ITGA9: variants seen among roughly 807,000 people sequenced by gnomAD.
ITGA9 encodes the protein integrin subunit alpha 9, also known as integrin alpha-9.
Under a neutral mutation model 127.8 loss-of-function variants are expected in ITGA9, and 56 were observed. The ratio of observed to expected loss-of-function variants is 0.44; its 90% CI spans 0.35 to 0.55. ITGA9 has a LOEUF of 0.55. Ranked by LOEUF, ITGA9 falls within the 20% of genes least tolerant of loss-of-function variation. ITGA9 has a pLI of 0.00. For missense variants in ITGA9, 1,196 were observed against 1,347.1 expected (o/e 0.89, Z 1.76); for synonymous variants, 508 against 514.5 (o/e 0.99, Z 0.17).
At chr3:37,518,479 G>C (rs991131879) in intron 10 of ITGA9, among the ~76,000 whole-genome samples, 3 of 152,190 alleles carry the variant, frequency 2.0e-5, no homozygotes, top group Non-Finnish European at 4.4e-5. Context: ...CAGTTTGTGA[G>C]AGTAATGTTA....
At chr3:37,517,700 C>G in intron 10 of ITGA9, 91 bp downstream of exon 10, 1 of 913,748 alleles carries the variant, frequency 1.1e-6, no homozygotes, top group South Asian at 1.4e-5. Flanking sequence ...CTGTCCATCT[C>G]TAGTGGCATG....
In ITGA9 at chr3:37,543,578, A is replaced by G. The variant is rs577962507; in HGVS notation, c.1689+993A>G. ...TTGGTTGGGCTGTATATAATTGCCA[A>G]TATTCTTTTTGACTTACAAAAATGG... On this transcript the variant is annotated intron_variant, in intron 15 of 27. Transcript: ENST00000264741. Among the ~76,000 whole-genome samples the G allele has an allele frequency of 5.2e-4, 79 of 152,346 alleles. 1 individual carries two copies. The highest frequency in any genetic ancestry group is 9.3e-4 in the Non-Finnish European group (63 of 68,028).
intron 15 of ITGA9, among the ~76,000 whole-genome samples, chr3:37,602,376 T>A (rs556362310): frequency 1.3e-5 from 2 of 152,124 alleles, no homozygotes; most frequent in Non-Finnish European, 2.9e-5. Flanking sequence ...ATAGGAGATA[T>A]AAAACTGGGT....
At chr3:37,808,380 C>T (rs75872805) in intron 27 of ITGA9, 5,985 of 152,184 alleles carry the variant, frequency 0.039, 154 homozygotes, top group Middle Eastern at 0.079. Context: ...ATGTCTCCCA[C>T]GGAGGCTAGT....
chr3:37,503,281 T>A lies in ITGA9; in HGVS notation c.716T>A (p.Ile239Asn), dbSNP rs1211887934. The A allele has an allele frequency of 6.2e-7, 1 of 1,614,120 alleles. No individual in the cohort carries two copies. Among genetic ancestry groups the A allele is most frequent in the South Asian group, 1.1e-5 (1 of 91,086 alleles). ...NTYLKLNDEV[I>N]MNRRYTYLGY... ...TATTTAAAACTGAACGACGAAGTGATCATGAACAGGCGGTACACCTACCTG... is the reference window on the plus strand; with the variant it reads ...TATTTAAAACTGAACGACGAAGTGAACATGAACAGGCGGTACACCTACCTG... The change falls in exon 6 of 28, where the codon ATC becomes AAC. Residue 239 changes from isoleucine (I) to asparagine (N), a missense_variant. Coordinates refer to ENST00000264741, the MANE Select transcript of ITGA9 (RefSeq NM_002207.3).
chr3:37,695,284 G>A (rs1174343282), intron 18 of ITGA9, among the ~76,000 whole-genome samples: 2 of 152,198 alleles, frequency 1.3e-5, no homozygotes, highest in African/African-American at 4.8e-5. Flanking sequence ...GGAGCCAAAC[G>A]AAGACTGAAG....
At chr3:37,796,970 T>G (rs942662040) in intron 26 of ITGA9, among the ~76,000 whole-genome samples, 1 of 152,032 alleles carries the variant, frequency 6.6e-6, no homozygotes, top group Non-Finnish European at 1.5e-5. Context: ...AAACTCTGTT[T>G]TGTTGGAGCC....
At chr3:37,694,116 G>A (rs984616341) in intron 18 of ITGA9, among the ~76,000 whole-genome samples, 1 of 152,180 alleles carries the variant, frequency 6.6e-6, no homozygotes, top group East Asian at 1.9e-4. Flanking sequence ...ATAACGCCAG[G>A]TAGAAAAGCC....
chr3:37,589,265 C>A (rs1390608159), intron 15 of ITGA9, among the ~76,000 whole-genome samples: 2 of 152,214 alleles, frequency 1.3e-5, no homozygotes, highest in Non-Finnish European at 2.9e-5. Flanking sequence ...CTGGACCCCA[C>A]TGAGAAGACG....
intron 13 of ITGA9, among the ~76,000 whole-genome samples, chr3:37,531,436 C>G (rs1165079900): frequency 6.6e-6 from 1 of 152,180 alleles, no homozygotes; most frequent in Non-Finnish European, 1.5e-5. Context: ...TCCCTGTGGT[C>G]CATTTCAAAG....
chr3:37,567,782 C>T (rs1466306941), intron 15 of ITGA9, among the ~76,000 whole-genome samples: 2 of 152,174 alleles, frequency 1.3e-5, no homozygotes, highest in Non-Finnish European at 2.9e-5. Context: ...CTGGGTCATG[C>T]TGATGCAAAA....
At chr3:37,644,592 A>T (rs137860688) in intron 16 of ITGA9, among the ~76,000 whole-genome samples, 58 of 152,304 alleles carry the variant, frequency 3.8e-4, no homozygotes, top group Non-Finnish European at 6.3e-4. Flanking sequence ...CCATGTTTTT[A>T]AAAATGTTGC....
At chr3:37,527,643 G>A (rs1009656367) in intron 13 of ITGA9, among the ~76,000 whole-genome samples, 2 of 152,138 alleles carry the variant, frequency 1.3e-5, no homozygotes, top group African/African-American at 4.8e-5. Context: ...TTAGATTTGT[G>A]AATCTGGTTG....
chr3:37,621,039 C>T lies in ITGA9; in HGVS notation c.1690-8148C>T, dbSNP rs139385114. On this transcript the variant is annotated intron_variant, in intron 15 of 27. Coordinates refer to ENST00000264741, the MANE Select transcript of ITGA9 (RefSeq NM_002207.3). ...TGAATTTTAGCTCTTATAATTCCCACATGCTGTGGGAGGGACCTGGTGGGA... is the reference window on the plus strand; with the variant it reads ...TGAATTTTAGCTCTTATAATTCCCATATGCTGTGGGAGGGACCTGGTGGGA... Among the ~76,000 whole-genome samples, 666 of 152,330 alleles carry T rather than the reference C, an allele frequency of 4.4e-3. 6 individuals carry two copies. Among genetic ancestry groups the T allele is most frequent in the African/African-American group, 0.015 (644 of 41,576 alleles).
chr3:37,758,293 G>A (rs1329199787), intron 23 of ITGA9, among the ~76,000 whole-genome samples: 1 of 132,988 alleles, frequency 7.5e-6, no homozygotes, highest in African/African-American at 3.0e-5. Context: ...ACTGCAGTCC[G>A]CAGTCCGGCC....
At chr3:37,506,144 C>A in intron 7 of ITGA9, 59 bp downstream of exon 7, 1 of 1,277,554 alleles carries the variant, frequency 7.8e-7, no homozygotes, top group East Asian at 2.4e-5. Context: ...GCATGCTGTC[C>A]CTGGTGCAGA....
intron 18 of ITGA9, among the ~76,000 whole-genome samples, chr3:37,708,752 G>C: frequency 6.6e-6 from 1 of 150,912 alleles, no homozygotes; most frequent in East Asian, 2.0e-4. Flanking sequence ...TTTTACACAT[G>C]AGATGAGGGT....
At position 37,508,555 on chromosome 3, in the gene ITGA9, A is replaced by G. The variant is rs529624264; in HGVS notation, c.829-4A>G. 2 of 1,607,790 alleles carry G rather than the reference A, an allele frequency of 1.2e-6. No homozygotes were observed. Among genetic ancestry groups the G allele is most frequent in the African/African-American group, 1.3e-5 (1 of 74,312 alleles). ...AACTAGATTTTTTTTTTTTCATTCC[A>G]TAGGTTTATATTTTCAGAGCTGACC... On this transcript the variant is annotated splice_region_variant and splice_polypyrimidine_tract_variant and intron_variant, in intron 7 of 27. Coordinates refer to ENST00000264741, the MANE Select transcript of ITGA9 (RefSeq NM_002207.3).
chr3:37,797,290 G>A (rs1697185204), intron 26 of ITGA9, among the ~76,000 whole-genome samples: 1 of 152,110 alleles, frequency 6.6e-6, no homozygotes, highest in South Asian at 2.1e-4. Flanking sequence ...TATAGGTTGA[G>A]GCTATAGTAA....
Sources: gnomAD v4.1 joint callset for allele counts (sites outside exome capture counted in the v4.1 genomes callset) on GRCh38, gnomAD v4.1.1 for gene constraint, MANE v1.5 for transcripts, NCBI Gene and HGNC (gene_info 2026-07-23, HGNC 2026-07-21) for gene names.